CTNNA2: variants seen among roughly 807,000 people sequenced by gnomAD.
CTNNA2 encodes catenin alpha-2.
In CTNNA2, 42 loss-of-function variants were observed where a neutral mutation model predicts 101.0. That is an observed-to-expected ratio of 0.42 (90% confidence interval 0.32 to 0.54). CTNNA2 has a LOEUF of 0.54. Among genes scored for constraint, CTNNA2 ranks in the 20% least tolerant of loss-of-function variants. The pLI is 0.14. For missense variants in CTNNA2, 871 were observed against 1,223.1 expected (o/e 0.71, Z 4.29); for synonymous variants, 450 against 456.4 (o/e 0.99, Z 0.18).
intron 1 of CTNNA2, among the ~76,000 whole-genome samples, chr2:79,583,811 T>G (rs377474910): frequency 2.0e-5 from 3 of 152,198 alleles, no homozygotes; most frequent in African/African-American, 4.8e-5. Context: ...TCCTTGCTTT[T>G]CGTAGACCTT....
At position 79,373,212 on chromosome 2, in the gene CTNNA2, C is replaced by A. The variant is rs112658968; in HGVS notation, c.-317-619C>A. Among the ~76,000 whole-genome samples, 357 of 152,304 alleles carry A rather than the reference C, an allele frequency of 2.3e-3. 1 individual carries two copies. Among genetic ancestry groups the A allele is most frequent in the Middle Eastern group, 0.01 (3 of 294 alleles). ...TAGACGTGTGACTCTATGATACCTT[C>A]TGGCTAAAGATTGCATCTTTATCAT... On this transcript the variant is annotated intron_variant, in intron 3 of 21. Transcript: ENST00000466387.
At chr2:79,272,825 C>T (rs888723984) in intron 2 of CTNNA2, among the ~76,000 whole-genome samples, 2 of 152,008 alleles carry the variant, frequency 1.3e-5, no homozygotes, top group Non-Finnish European at 2.9e-5. Context: ...TGAAATTTAA[C>T]CCATTTACAT....
At chr2:79,391,139 C>T (rs1678167549) in intron 4 of CTNNA2, among the ~76,000 whole-genome samples, 1 of 152,154 alleles carries the variant, frequency 6.6e-6, no homozygotes, top group Non-Finnish European at 1.5e-5. Context: ...ATGAACTTCA[C>T]TTCTGCAAGC....
chr2:80,359,407 T>C (rs1485872010), intron 7 of CTNNA2, among the ~76,000 whole-genome samples: 1 of 152,164 alleles, frequency 6.6e-6, no homozygotes, highest in East Asian at 1.9e-4. Context: ...CCTAAACTCA[T>C]GTTCAGTTGT....
chr2:79,513,712 T>G (rs554900635), intron 1 of CTNNA2, among the ~76,000 whole-genome samples: 48 of 151,126 alleles, frequency 3.2e-4, no homozygotes, highest in Non-Finnish European at 5.9e-5. Context: ...CGAAGAAGAA[T>G]CTGTGGATTT....
At chr2:80,428,754 T>C (rs79903617) in intron 9 of CTNNA2, among the ~76,000 whole-genome samples, 313 of 152,112 alleles carry the variant, frequency 2.1e-3, no homozygotes, top group Admixed American at 6.0e-3. Context: ...TCTAGAAAAA[T>C]TGCATCAACA....
chr2:79,495,314 T>G (rs1392820951), intron 4 of CTNNA2, among the ~76,000 whole-genome samples: 1 of 152,140 alleles, frequency 6.6e-6, no homozygotes, highest in Non-Finnish European at 1.5e-5. Flanking sequence ...ACAGAAGATC[T>G]GAATAAATGT....
chr2:80,137,060 A>G lies in CTNNA2; in HGVS notation c.1056+227263A>G, dbSNP rs372400029. On this transcript the variant is annotated intron_variant, in intron 7 of 18. Transcript: ENST00000402739. ...CAGGAAGTGCCTGTGGTACCCAGGAATTGCAACAGCTGTCAGAAATAAAAG... is the reference window on the plus strand; with the variant it reads ...CAGGAAGTGCCTGTGGTACCCAGGAGTTGCAACAGCTGTCAGAAATAAAAG... Among the ~76,000 whole-genome samples, 45 of 152,326 alleles carry G rather than the reference A, an allele frequency of 3.0e-4. 2 individuals carry two copies. In the South Asian group the frequency reaches 9.3e-3, roughly 32 times the overall value.
chr2:80,094,002 T>G (rs899158260), intron 7 of CTNNA2, among the ~76,000 whole-genome samples: 11 of 152,126 alleles, frequency 7.2e-5, no homozygotes, highest in Non-Finnish European at 1.3e-4. Context: ...AGAAGCTCTT[T>G]AGTTTAATTA....
At chr2:80,443,394 T>G (rs1682765935) in intron 9 of CTNNA2, among the ~76,000 whole-genome samples, 1 of 152,224 alleles carries the variant, frequency 6.6e-6, no homozygotes, top group Non-Finnish European at 1.5e-5. Flanking sequence ...TCGCAAATAT[T>G]TATTGAGCAC....
chr2:79,835,597 A>AGTGAGGCCATTAGAT (rs1181634647), intron 3 of CTNNA2, among the ~76,000 whole-genome samples: 1 of 144,398 alleles, frequency 6.9e-6, no homozygotes, highest in Non-Finnish European at 1.5e-5. Flanking sequence ...TCCTTGAGAG[A>AGTGAGGCCATTAGAT]GTGAGGCCAT....
chr2:80,014,857 A>C (rs771517505), intron 7 of CTNNA2, among the ~76,000 whole-genome samples: 1 of 152,218 alleles, frequency 6.6e-6, no homozygotes, highest in Non-Finnish European at 1.5e-5. Context: ...TATTCAGCCA[A>C]TGTGTACATT....
At chr2:80,214,102 G>C (rs1708093100) in intron 7 of CTNNA2, among the ~76,000 whole-genome samples, 2 of 152,070 alleles carry the variant, frequency 1.3e-5, no homozygotes, top group South Asian at 4.1e-4. Context: ...TTGAGCCTAT[G>C]TGTCTCTGCA....
intron 9 of CTNNA2, among the ~76,000 whole-genome samples, chr2:80,442,535 C>T (rs1262927162): frequency 6.6e-6 from 1 of 152,184 alleles, no homozygotes; most frequent in African/African-American, 2.4e-5. Flanking sequence ...TTAATACACG[C>T]ACCACTTCTG....
At chr2:80,372,832 C>A (rs900932270) in intron 7 of CTNNA2, among the ~76,000 whole-genome samples, 1 of 152,058 alleles carries the variant, frequency 6.6e-6, no homozygotes, top group Non-Finnish European at 1.5e-5. Flanking sequence ...ATTTTGCTCC[C>A]CCCTTCCCCA....
chr2:80,157,897 A>T (rs936946057), intron 7 of CTNNA2, among the ~76,000 whole-genome samples: 3 of 152,094 alleles, frequency 2.0e-5, no homozygotes, highest in Non-Finnish European at 4.4e-5. Context: ...CCAATCAAAG[A>T]TCAAGCATAC....
intron 7 of CTNNA2, among the ~76,000 whole-genome samples, chr2:80,377,329 G>A (rs1219688742): frequency 6.6e-6 from 1 of 152,228 alleles, no homozygotes; most frequent in Non-Finnish European, 1.5e-5. Flanking sequence ...AAGAGGAAAA[G>A]ATCAGGGTAA....
chr2:79,707,082 A>G (rs886262961), intron 2 of CTNNA2, among the ~76,000 whole-genome samples: 8 of 152,162 alleles, frequency 5.3e-5, no homozygotes, highest in African/African-American at 1.9e-4. Context: ...ATTTTTATGA[A>G]TCATGGAAAG....
chr2:79,994,132 G>T (rs1317255784), intron 7 of CTNNA2, among the ~76,000 whole-genome samples: 1 of 152,042 alleles, frequency 6.6e-6, no homozygotes, highest in Non-Finnish European at 1.5e-5. Context: ...TGCTCAGGCT[G>T]GTCTTGAACT....
Sources: gnomAD v4.1 joint callset for allele counts (sites outside exome capture counted in the v4.1 genomes callset) on GRCh38, gnomAD v4.1.1 for gene constraint, MANE v1.5 for transcripts, NCBI Gene and HGNC (gene_info 2026-07-23, HGNC 2026-07-21) for gene names.